The following MCPH1 variants were observed in gnomAD, a reference collection of about 807,000 sequenced individuals.
MCPH1 encodes the protein microcephalin 1, also known as microcephalin.
In MCPH1, 104 loss-of-function variants were observed where a neutral mutation model predicts 84.5. The ratio of observed to expected loss-of-function variants is 1.23; its 90% CI spans 1.05 to 1.45. The LOEUF (loss-of-function observed/expected upper bound fraction) is 1.45. MCPH1 is among the 40% of genes most tolerant of loss of function. MCPH1 has a pLI of 0.00. For missense variants in MCPH1, 1,498 were observed against 1,005.7 expected (o/e 1.49, Z -6.62); for synonymous variants, 514 against 366.8 (o/e 1.40, Z -4.58).
At chr8:6,532,956 C>G (rs762172390) in intron 12 of MCPH1, among the ~76,000 whole-genome samples, 2 of 152,242 alleles carry the variant, frequency 1.3e-5, no homozygotes, top group Non-Finnish European at 2.9e-5. Flanking sequence ...TGAGAAGACA[C>G]TCTAAGACAG....
chr8:6,625,391 G>C (rs1395664451), intron 13 of MCPH1: 3 of 985,236 alleles, frequency 3.0e-6, no homozygotes, highest in African/African-American at 1.7e-5. Flanking sequence ...GTGTCTTTTG[G>C]AGACTTTTTT....
At position 6,473,448 on chromosome 8, in the gene MCPH1, C is replaced by T. The variant is rs564578499; in HGVS notation, c.1936-4146C>T. ...CCAGGTTCACGCCATTCTCCTGCCT[C>T]GGCCTCCCAAGTAGCTGGGACTATA... On this transcript the variant is annotated intron_variant, in intron 9 of 13. Coordinates refer to ENST00000344683, the MANE Select transcript of MCPH1 (RefSeq NM_024596.5). Among the ~76,000 whole-genome samples, 8 of 151,124 alleles carry T rather than the reference C, an allele frequency of 5.3e-5. No homozygotes were observed. In the East Asian group the frequency reaches 1.4e-3, roughly 26 times the overall value.
At chr8:6,418,575 TA>T (rs1321259936) in intron 3 of MCPH1, among the ~76,000 whole-genome samples, 1 of 152,150 alleles carries the variant, frequency 6.6e-6, no homozygotes, top group Non-Finnish European at 1.5e-5. Context: ...TCCTTAGGGA[TA>T]TTTTTTATTT....
chr8:6,514,647 C>T, intron 12 of MCPH1: 1 of 1,593,374 alleles, frequency 6.3e-7, no homozygotes, highest in Non-Finnish European at 8.6e-7. Context: ...AAGGGAAATT[C>T]TTTTCTGATG....
chr8:6,520,316 C>T (rs766610127), intron 12 of MCPH1, among the ~76,000 whole-genome samples: 1 of 152,158 alleles, frequency 6.6e-6, no homozygotes, highest in Admixed American at 6.5e-5. Flanking sequence ...TTTTGAAGAT[C>T]TTTCATCTTG....
intron 12 of MCPH1, among the ~76,000 whole-genome samples, chr8:6,506,187 C>T (rs977073473): frequency 1.1e-4 from 17 of 151,718 alleles, no homozygotes; most frequent in African/African-American, 4.1e-4. Context: ...ATTCAGAATC[C>T]TTCACATATT....
chr8:6,595,608 G>A (rs531019986), intron 12 of MCPH1, among the ~76,000 whole-genome samples: 3 of 152,206 alleles, frequency 2.0e-5, no homozygotes, highest in Non-Finnish European at 4.4e-5. Flanking sequence ...AGTGAAGAGT[G>A]CATGGTCCAA....
chr8:6,534,969 T>G (rs927278932), intron 12 of MCPH1, among the ~76,000 whole-genome samples: 1 of 152,218 alleles, frequency 6.6e-6, no homozygotes, highest in African/African-American at 2.4e-5. Flanking sequence ...CCAGAGGCAC[T>G]GTCTTAGTTA....
At position 6,621,639 on chromosome 8, in the gene MCPH1, C is replaced by G; in HGVS notation, c.2400C>G (p.Tyr800Ter). ...PRQASIVIGP[Y>*]SGKKKATVKY... ...AGGCCAGCATCGTCATCGGGCCCTA[C>G]AGCGGAAAGAAGAAAGCCACAGTCA... Residue 800 changes from tyrosine (Y) to a stop codon, truncating the protein, a stop_gained, in exon 13 of 14, where the codon TAC becomes TAG. Transcript: ENST00000344683. LOFTEE classifies it high-confidence loss of function. 6.2e-7 allele frequency: 1 copy of G among 1,614,226 alleles called. No homozygotes were observed. The highest frequency in any genetic ancestry group is 8.5e-7 in the Non-Finnish European group (1 of 1,180,048).
At chr8:6,477,694 A>T in intron 10 of MCPH1, 63 bp downstream of exon 10, 1 of 1,400,124 alleles carries the variant, frequency 7.1e-7, no homozygotes, top group South Asian at 1.2e-5. Context: ...TTATACTCTA[A>T]TTCTGGGTGC....
intron 12 of MCPH1, among the ~76,000 whole-genome samples, chr8:6,532,002 G>C (rs1360345785): frequency 1.3e-5 from 2 of 152,202 alleles, no homozygotes; most frequent in Non-Finnish European, 2.9e-5. Context: ...ACTTAGAAAT[G>C]GAAAATGATT....
chr8:6,617,298 G>A (rs1260081432), intron 12 of MCPH1: 1 of 73,184 alleles, frequency 1.4e-5, no homozygotes, highest in African/African-American at 8.5e-5. Context: ...TGTTTTTTTT[G>A]AGGTGGAATC....
At chr8:6,503,659 G>A (rs2916702) in intron 12 of MCPH1, among the ~76,000 whole-genome samples, 49,880 of 152,026 alleles carry the variant, frequency 0.33, 8,542 homozygotes, top group Middle Eastern at 0.46. Context: ...GGCTGGACTC[G>A]CTCAGGCTCC....
At chr8:6,506,642 G>T (rs1813784157) in intron 12 of MCPH1, among the ~76,000 whole-genome samples, 1 of 152,048 alleles carries the variant, frequency 6.6e-6, no homozygotes, top group Non-Finnish European at 1.5e-5. Context: ...AAGGATGATT[G>T]TGCCAGGATG....
In MCPH1 at chr8:6,642,999, A is replaced by G. The variant is rs1371433213; in HGVS notation, c.2458A>G (p.Ile820Val). 1 of 1,614,070 alleles carries G rather than the reference A, an allele frequency of 6.2e-7. No homozygotes were observed. The highest frequency in any genetic ancestry group is 1.1e-5 in the South Asian group (1 of 91,066). The change falls in exon 14 of 14, where the codon ATC becomes GTC. Residue 820 changes from isoleucine (I) to valine (V), a missense_variant. Ile to Val is a conservative substitution (Grantham distance 29). Transcript: ENST00000344683. Reference sequence around the variant, plus strand: ...GCTTTTCGCTCTCTCTCTAGATTCCATCACCCAGCACAAGGTCTGTGCCCC... The same window carrying G: ...GCTTTTCGCTCTCTCTCTAGATTCCGTCACCCAGCACAAGGTCTGTGCCCC... ...YLSEKWVLDS[I>V]TQHKVCAPEN... is the part of the protein sequence containing the mutation.
At chr8:6,623,221 T>C (rs1337183171) in intron 13 of MCPH1, among the ~76,000 whole-genome samples, 1 of 152,068 alleles carries the variant, frequency 6.6e-6, no homozygotes, top group Non-Finnish European at 1.5e-5. Flanking sequence ...CCTGAGTTAC[T>C]GAGGGTTAAG....
At chr8:6,407,620 G>A (rs1003761049) in intron 1 of MCPH1, among the ~76,000 whole-genome samples, 6 of 152,158 alleles carry the variant, frequency 3.9e-5, no homozygotes, top group Non-Finnish European at 8.8e-5. Context: ...AAGACTAGAG[G>A]CTTTATACAA....
chr8:6,511,070 C>T (rs987842608), intron 12 of MCPH1, among the ~76,000 whole-genome samples: 1 of 152,198 alleles, frequency 6.6e-6, no homozygotes, highest in Admixed American at 6.5e-5. Flanking sequence ...TTAACTCTCT[C>T]TTGTCTCCTT....
intron 12 of MCPH1, among the ~76,000 whole-genome samples, chr8:6,569,964 A>G (rs1192225763): frequency 2.0e-5 from 3 of 152,242 alleles, no homozygotes; most frequent in African/African-American, 7.2e-5. Flanking sequence ...CCATCCTATT[A>G]CAAGTGCGGA....
Sources: gnomAD v4.1 joint callset for allele counts (sites outside exome capture counted in the v4.1 genomes callset) on GRCh38, gnomAD v4.1.1 for gene constraint, MANE v1.5 for transcripts, NCBI Gene and HGNC (gene_info 2026-07-23, HGNC 2026-07-21) for gene names.